Variants in LRRC66 observed in about 807,000 individuals in gnomAD.
LRRC66 encodes the protein leucine rich repeat containing 66, also known as leucine-rich repeat-containing protein 66.
Under a neutral mutation model 24.6 loss-of-function variants are expected in LRRC66, and 29 were observed. The ratio of observed to expected loss-of-function variants is 1.18; its 90% confidence interval spans 0.88 to 1.61. The LOEUF is 1.61. Ranked by LOEUF, LRRC66 falls within the 40% of genes most tolerant of loss-of-function variation. LRRC66 has a pLI of 0.00. For synonymous variants in LRRC66, 411 were observed against 397.6 expected (o/e 1.03, Z -0.40); for missense variants, 1,124 against 1,058.0 (o/e 1.06, Z -0.87).
intron 3 of LRRC66, among the ~76,000 whole-genome samples, chr4:52,002,360 T>C (rs1736472990): frequency 6.6e-6 from 1 of 152,062 alleles, no homozygotes; most frequent in Non-Finnish European, 1.5e-5. Context: ...TCGTGGAGGT[T>C]ATGGAGATGG....
chr4:52,008,816 G>A (rs1736640347), intron 2 of LRRC66, among the ~76,000 whole-genome samples: 1 of 152,086 alleles, frequency 6.6e-6, no homozygotes, highest in Non-Finnish European at 1.5e-5. Flanking sequence ...TAGAAGTCTG[G>A]AGTAAGGAAC....
intron 1 of LRRC66, chr4:52,017,965 T>C: frequency 4.1e-6 from 4 of 985,472 alleles, no homozygotes; most frequent in Non-Finnish European, 4.8e-6. Context: ...AAGACTTCCC[T>C]GTTTCTTTGC....
At chr4:52,010,176 A>G (rs1461988338) in intron 2 of LRRC66, among the ~76,000 whole-genome samples, 1 of 152,202 alleles carries the variant, frequency 6.6e-6, no homozygotes, top group African/African-American at 2.4e-5. Flanking sequence ...TGAAAGATCT[A>G]GCAGCTTTAT....
At chr4:52,005,398 C>G (rs1736552334) in intron 2 of LRRC66, among the ~76,000 whole-genome samples, 1 of 152,066 alleles carries the variant, frequency 6.6e-6, no homozygotes, top group Non-Finnish European at 1.5e-5. Context: ...ACTTTGGAAG[C>G]CGAAGCGGGT....
intron 3 of LRRC66, among the ~76,000 whole-genome samples, chr4:52,000,352 AC>A (rs1736420615): frequency 2.6e-5 from 4 of 152,164 alleles, no homozygotes; most frequent in Non-Finnish European, 1.5e-5. Context: ...TATACTATAT[AC>A]TACCAATTAA....
chr4:51,999,886 G>A (rs1287588905), intron 3 of LRRC66, among the ~76,000 whole-genome samples: 3 of 152,152 alleles, frequency 2.0e-5, no homozygotes, highest in Non-Finnish European at 4.4e-5. Context: ...ATAAGATTAG[G>A]AAAAGAAATG....
At position 51,997,889 on chromosome 4, in the gene LRRC66, T is replaced by A. The variant is rs751294289; in HGVS notation, c.715A>T (p.Ile239Phe). 6.2e-7 allele frequency: 1 copy of A among 1,614,134 alleles called. No individual in the cohort carries two copies. Among genetic ancestry groups the A allele is most frequent in the South Asian group, 1.1e-5 (1 of 91,080 alleles). Residue 239 changes from isoleucine (I) to phenylalanine (F), a missense_variant, in exon 4 of 5, where the codon ATC (isoleucine) becomes TTC (phenylalanine). By Grantham distance (21) the Ile-to-Phe change is conservative. Coordinates refer to ENST00000682860, the MANE Select transcript of LRRC66 (RefSeq NM_001024611.3). ...AGATGGGGAAATTCTAGAGCTATGA[T>A]CATCATTGGTAGGATGGTAATCAGA... The part of the protein sequence containing the change: ...NALITILPMM[I>F]IALEFPHLVV...
At chr4:52,002,647 T>TA (rs1200733872) in intron 3 of LRRC66, among the ~76,000 whole-genome samples, 1 of 152,202 alleles carries the variant, frequency 6.6e-6, no homozygotes, top group Non-Finnish European at 1.5e-5. Context: ...ATCTCCCCAA[T>TA]ATGGGTTGGA....
intron 2 of LRRC66, among the ~76,000 whole-genome samples, chr4:52,006,143 C>T (rs1407710105): frequency 1.3e-5 from 2 of 152,122 alleles, no homozygotes; most frequent in Admixed American, 6.5e-5. Context: ...AGCTTTAAAG[C>T]GATTCCTCAG....
chr4:51,995,459 C>A lies in LRRC66; in HGVS notation c.1563G>T (p.Met521Ile). 1 of 1,614,174 alleles carries A rather than the reference C, an allele frequency of 6.2e-7. No individual in the cohort carries two copies. Among genetic ancestry groups the A allele is most frequent in the South Asian group, 1.1e-5 (1 of 91,084 alleles). ...TATGGATGTGGTCCTGCGCTGCTGA[C>A]ATTAGTTCACGGTTACCGGCATGTG... ...RHPHAGNREL[M>I]SAAQDHIHRN... The change falls in exon 5 of 5, where the codon ATG becomes ATT. Residue 521 changes from methionine (M) to isoleucine (I), a missense_variant. By Grantham distance (10) the Met-to-Ile change is conservative. Transcript: ENST00000682860.
intron 2 of LRRC66, among the ~76,000 whole-genome samples, chr4:52,015,209 T>C (rs555106815): frequency 1.1e-4 from 16 of 152,328 alleles, no homozygotes; most frequent in Admixed American, 6.5e-5. Context: ...TCCACGTTCA[T>C]TGTCCCAGGG....
At position 51,994,771 on chromosome 4, in the gene LRRC66, C is replaced by A; in HGVS notation, c.2251G>T (p.Asp751Tyr). ...AAGGTAACATTTTCCTCAAGACTGT[C>A]TACAGCCGTCACATTGTCCTTGCTT... ...GASKDNVTAV[D>Y]SLEENVTFQT... The change falls in exon 5 of 5, where the codon GAC becomes TAC. Residue 751 changes from aspartate to tyrosine, a missense_variant. Physicochemically the swap from Asp to Tyr is radical, Grantham distance 160 (BLOSUM62 -3). Coordinates refer to ENST00000682860, the MANE Select transcript of LRRC66 (RefSeq NM_001024611.3). 1 of 1,614,210 alleles carries A rather than the reference C, an allele frequency of 6.2e-7. No homozygotes were observed. The highest frequency in any genetic ancestry group is 8.5e-7 in the Non-Finnish European group (1 of 1,180,036).
intron 2 of LRRC66, among the ~76,000 whole-genome samples, chr4:52,015,177 T>A (rs1736782118): frequency 1.3e-5 from 2 of 152,126 alleles, no homozygotes; most frequent in African/African-American, 4.8e-5. Context: ...GCTCTTTCTC[T>A]CCATTCACAC....
rs763727501 is a variant in LRRC66 at position 51,995,077 on chromosome 4, G to C, written c.1945C>G (p.Leu649Val). 6.2e-7 allele frequency: 1 copy of C among 1,614,228 alleles called. No homozygotes were observed. Among genetic ancestry groups the C allele is most frequent in the South Asian group, 1.1e-5 (1 of 91,090 alleles). ...RLSGARAEEA[L>V]SAHYSEVPYG... ...GGAACCTCGCTGTAGTGGGCTGAAAGCGCTTCCTCAGCCCTTGCCCCGGAC... is the reference window on the plus strand; with the variant it reads ...GGAACCTCGCTGTAGTGGGCTGAAACCGCTTCCTCAGCCCTTGCCCCGGAC... The change falls in exon 5 of 5, where the codon CTT becomes GTT. Residue 649 changes from leucine (L) to valine (V), a missense_variant. Transcript: ENST00000682860.
rs747794616 is a variant in LRRC66 at position 51,995,359 on chromosome 4, C to T, written c.1663G>A (p.Val555Ile). 6.2e-7 allele frequency: 1 copy of T among 1,614,180 alleles called. No individual in the cohort carries two copies. The highest frequency in any genetic ancestry group is 8.5e-7 in the Non-Finnish European group (1 of 1,180,018). The change falls in exon 5 of 5, where the codon GTC (valine) becomes ATC (isoleucine). Residue 555 changes from valine to isoleucine, a missense_variant. Physicochemically the swap from Val to Ile is conservative, Grantham distance 29. Transcript: ENST00000682860. ...EEPLSAHSVG[V>I]SSVAGTSHAV... is the part of the protein sequence containing the mutation. ...TGAGACGTGCCAGCTACAGAAGAGA[C>T]GCCCACTGAATGTGCACTGAGAGGC...
intron 3 of LRRC66, among the ~76,000 whole-genome samples, chr4:52,000,954 C>A (rs1170472903): frequency 6.6e-6 from 1 of 152,184 alleles, no homozygotes; most frequent in Non-Finnish European, 1.5e-5. Flanking sequence ...ATGTATTATG[C>A]AGCAACAGAT....
Position 52,017,239 on chromosome 4 carries a change from T to C in LRRC66, c.375A>G (p.Ser125=), listed in dbSNP as rs1490417059. 2 of 1,614,122 alleles carry C rather than the reference T, an allele frequency of 1.2e-6. No homozygotes were observed. Among genetic ancestry groups the C allele is most frequent in the East Asian group, 2.2e-5 (1 of 44,872 alleles). The part of the protein sequence containing the change: ...NLSNNAIHSL[S]LDLLSPKSSW... ...AGGACTTAGGACTGAGTAGATCCAA[T>C]GAGAGGGAGTGGATGGCATTGTTGC... The change falls in exon 2 of 5, where the codon TCA becomes TCG. Residue 125 remains serine (S), a synonymous_variant. Transcript: ENST00000682860.
rs1736494810 is a variant in LRRC66 at position 52,003,230 on chromosome 4, T to C, written c.659A>G (p.Lys220Arg). The stretch of plus-strand genomic sequence containing the variant: ...TAAAAATGATTTTAGAACCTGTAAT[T>C]TTTTGAGGTCCTTGAAGGCTTGTGG... ...IPPQAFKDLK[K>R]LQVIDLSNNA... is the part of the protein sequence containing the mutation. The change falls in exon 3 of 5, where the codon AAA becomes AGA. Residue 220 changes from lysine (K) to arginine (R), a missense_variant. Lys to Arg is a conservative substitution (Grantham distance 26). Transcript: ENST00000682860. 1 of 1,606,452 alleles carries C rather than the reference T, an allele frequency of 6.2e-7. No individual in the cohort carries two copies.
chr4:52,018,127 C>G (rs1736862082), intron 1 of LRRC66: 1 of 985,398 alleles, frequency 1.0e-6, no homozygotes, highest in Non-Finnish European at 1.2e-6. Flanking sequence ...GAGGCTCTTA[C>G]TTTTCATGAC....
Sources: gnomAD v4.1 joint callset for allele counts (sites outside exome capture counted in the v4.1 genomes callset) on GRCh38, gnomAD v4.1.1 for gene constraint, MANE v1.5 for transcripts, NCBI Gene and HGNC (gene_info 2026-07-23, HGNC 2026-07-21) for gene names.